ANXA10: variants seen among roughly 807,000 people sequenced by gnomAD.
ANXA10 encodes annexin A10, also known as annexin 14.
A neutral mutation model predicts 53.5 loss-of-function variants in ANXA10; 49 were observed. The observed-to-expected ratio is 0.92, with a 90% CI of 0.73 to 1.16. The LOEUF is 1.16. Ranked by LOEUF, ANXA10 falls within the 50% of genes most tolerant of loss-of-function variation. The pLI is 0.00. For synonymous variants in ANXA10, 131 were observed against 128.9 expected (o/e 1.02, Z -0.11); for missense variants, 393 against 394.4 (o/e 1.00, Z 0.03).
At chr4:168,134,793 C>T (rs77045606) in intron 2 of ANXA10, among the ~76,000 whole-genome samples, 1,731 of 152,274 alleles carry the variant, frequency 0.011, 12 homozygotes, top group South Asian at 0.019. Flanking sequence ...CCTGTTACAG[C>T]TTTCAGACCA....
intron 3 of ANXA10, among the ~76,000 whole-genome samples, chr4:168,141,962 A>C (rs757136803): frequency 2.7e-4 from 41 of 152,048 alleles, no homozygotes; most frequent in Admixed American, 1.3e-4. Flanking sequence ...AATTCTATCT[A>C]ATGGCTGCAC....
rs550222694 is a variant in ANXA10 at position 168,160,655 on chromosome 4, G to A, written c.196-1873G>A. Among the ~76,000 whole-genome samples, 21 of 152,198 alleles carry A rather than the reference G, an allele frequency of 1.4e-4. No homozygotes were observed. In the Middle Eastern group the frequency reaches 0.01, roughly 74 times the overall value. ...GAATCACCACACTGTCTTCCACAAC[G>A]GTTGAACTGATTTACACTCCCAGAG... On this transcript the variant is annotated intron_variant, in intron 3 of 11. Transcript: ENST00000359299.
At chr4:168,096,193 G>A (rs1730537659) in intron 1 of ANXA10, among the ~76,000 whole-genome samples, 1 of 152,154 alleles carries the variant, frequency 6.6e-6, no homozygotes, top group Non-Finnish European at 1.5e-5. Flanking sequence ...TTATTTTCAA[G>A]ACTGTCTTTT....
At chr4:168,171,947 C>A (rs145499815) in intron 6 of ANXA10, among the ~76,000 whole-genome samples, 1 of 152,178 alleles carries the variant, frequency 6.6e-6, no homozygotes, top group African/African-American at 2.4e-5. Context: ...ATGACAGTTT[C>A]TTGAACCCGT....
intron 11 of ANXA10, among the ~76,000 whole-genome samples, chr4:168,186,507 C>T (rs944396181): frequency 6.6e-6 from 1 of 152,062 alleles, no homozygotes; most frequent in African/African-American, 2.4e-5. Flanking sequence ...TAAAATAGGC[C>T]AAAGAGAACA....
chr4:168,160,185 G>T (rs1317976558), intron 3 of ANXA10, among the ~76,000 whole-genome samples: 1 of 152,020 alleles, frequency 6.6e-6, no homozygotes, highest in Non-Finnish European at 1.5e-5. Context: ...TTATCCATTA[G>T]CTATTCTTCC....
intron 3 of ANXA10, among the ~76,000 whole-genome samples, chr4:168,153,442 C>CAAAAAAAAAAAAA (rs1560782282): frequency 2.3e-5 from 1 of 42,952 alleles, no homozygotes; most frequent in African/African-American, 9.8e-5. Flanking sequence ...AAAAAAAAAA[C>CAAAAAAAAAAAAA]AAAAACAAAA....
At chr4:168,101,739 T>C (rs962210748) in intron 1 of ANXA10, among the ~76,000 whole-genome samples, 2 of 152,072 alleles carry the variant, frequency 1.3e-5, no homozygotes, top group Non-Finnish European at 2.9e-5. Context: ...TATGTGTGTA[T>C]ACTAACCCAT....
intron 3 of ANXA10, among the ~76,000 whole-genome samples, chr4:168,154,518 C>T (rs1328487959): frequency 6.6e-6 from 1 of 152,080 alleles, no homozygotes; most frequent in Admixed American, 6.6e-5. Context: ...ATCAATTTCA[C>T]TTAGGGATAG....
intron 3 of ANXA10, among the ~76,000 whole-genome samples, chr4:168,150,071 C>T (rs148466517): frequency 2.0e-5 from 3 of 152,270 alleles, no homozygotes; most frequent in Non-Finnish European, 2.9e-5. Flanking sequence ...CCTGCAGGAT[C>T]GTCTCCAAGG....
At chr4:168,122,288 A>G (rs376388521) in intron 1 of ANXA10, among the ~76,000 whole-genome samples, 3 of 152,212 alleles carry the variant, frequency 2.0e-5, no homozygotes, top group African/African-American at 4.8e-5. Context: ...AAGGGTAATA[A>G]GAGGATGGAG....
chr4:168,126,294 G>T (rs891314429), intron 1 of ANXA10, among the ~76,000 whole-genome samples: 81 of 152,136 alleles, frequency 5.3e-4, no homozygotes, highest in Non-Finnish European at 1.9e-4. Flanking sequence ...AGTTAACCAA[G>T]AAATCTGTAT....
Position 168,128,815 on chromosome 4 carries a change from G to A in ANXA10, c.100+650G>A, listed in dbSNP as rs957779841. ...CACTGTGCTTATGTTTGTCTCACCT[G>A]CTGACTGGACTGTGAACTCCCAGAG... On this transcript the variant is annotated intron_variant, in intron 2 of 11. Transcript: ENST00000359299. Among the ~76,000 whole-genome samples the A allele has an allele frequency of 4.6e-5, 7 of 151,892 alleles. No homozygotes were observed. In the East Asian group the frequency reaches 1.2e-3, roughly 25 times the overall value.
At chr4:168,125,758 A>G (rs4311277) in intron 1 of ANXA10, among the ~76,000 whole-genome samples, 103,769 of 152,060 alleles carry the variant, frequency 0.68, 36,969 homozygotes, top group African/African-American at 0.89. Context: ...CAGAGGTGGG[A>G]AGATGGTTTC....
chr4:168,094,095 C>A (rs1422409060), intron 1 of ANXA10, among the ~76,000 whole-genome samples: 8 of 151,974 alleles, frequency 5.3e-5, no homozygotes, highest in Non-Finnish European at 1.2e-4. Context: ...CTATTATATT[C>A]TATGCATTGT....
chr4:168,145,886 A>C (rs1269779680), intron 3 of ANXA10, among the ~76,000 whole-genome samples: 2 of 151,636 alleles, frequency 1.3e-5, no homozygotes, highest in Non-Finnish European at 2.9e-5. Flanking sequence ...GATGGTGGAG[A>C]TCATCAAATA....
intron 2 of ANXA10, among the ~76,000 whole-genome samples, chr4:168,136,212 A>G (rs2149471431): frequency 6.6e-6 from 1 of 152,196 alleles, no homozygotes; most frequent in Admixed American, 6.5e-5. Flanking sequence ...AAGAGACACA[A>G]ATCCAAACCA....
intron 6 of ANXA10, among the ~76,000 whole-genome samples, chr4:168,166,518 A>G (rs1560788357): frequency 1.3e-5 from 2 of 152,266 alleles, no homozygotes; most frequent in East Asian, 3.9e-4. Flanking sequence ...CAGGAATGCA[A>G]AGAGAAAGAG....
rs536801690 is a variant in ANXA10, at chr4:168,116,812, A to T, written c.19-11272A>T. ...GGCAAATATTTTTCCAGAAGTAGGG[A>T]TGTGTTTGAGCCAAATCCACTCTCA... On this transcript the variant is annotated intron_variant, in intron 1 of 11. Transcript: ENST00000359299. 3.3e-5 allele frequency among the ~76,000 whole-genome samples: 5 copies of T among 152,262 alleles called. No homozygotes were observed. The South Asian group carries it at 6.2e-4, about 19-fold the overall frequency.
Sources: allele counts gnomAD v4.1 joint callset (sites outside exome capture counted in the v4.1 genomes callset), GRCh38; gene constraint gnomAD v4.1.1; transcripts MANE v1.5; gene names NCBI Gene and HGNC (gene_info 2026-07-23, HGNC 2026-07-21).